Variants in RAB8B observed in about 807,000 individuals in gnomAD.
RAB8B encodes ras-related protein Rab-8B.
RAB8B carries 11 observed loss-of-function variants against 32.0 expected under a neutral mutation model. That is an observed-to-expected ratio of 0.34 (90% CI 0.22 to 0.57). RAB8B has a LOEUF of 0.57. Ranked by LOEUF, RAB8B falls within the 20% of genes least tolerant of loss-of-function variation. The pLI is 0.86. For missense variants in RAB8B, 190 were observed against 258.5 expected, an observed-to-expected ratio of 0.73 and a Z score of 1.82; for synonymous variants, 103 against 89.6, an observed-to-expected ratio of 1.15 and a Z score of -0.85.
At chr15:63,201,207 A>C (rs2037646338) in intron 1 of RAB8B, among the ~76,000 whole-genome samples, 1 of 152,210 alleles carries the variant, frequency 6.6e-6, no homozygotes, top group African/African-American at 2.4e-5. Context: ...GAGTTAATGA[A>C]TACCCAGGCA....
chr15:63,217,982 T>A (rs1309539183), intron 1 of RAB8B, among the ~76,000 whole-genome samples: 2 of 152,244 alleles, frequency 1.3e-5, no homozygotes, highest in Non-Finnish European at 2.9e-5. Flanking sequence ...TAAGCGAAGC[T>A]GCCATTTTCT....
At chr15:63,200,401 A>G (rs1343879309) in intron 1 of RAB8B, among the ~76,000 whole-genome samples, 1 of 152,268 alleles carries the variant, frequency 6.6e-6, no homozygotes, top group African/African-American at 2.4e-5. Flanking sequence ...AAAGCTAAAT[A>G]TCACCAGAAA....
At chr15:63,234,865 A>C (rs540989219) in intron 1 of RAB8B, among the ~76,000 whole-genome samples, 1 of 152,216 alleles carries the variant, frequency 6.6e-6, no homozygotes, top group Non-Finnish European at 1.5e-5. Context: ...TCTTCCTGCC[A>C]GAGTGCCACT....
At chr15:63,218,384 C>T (rs1003187967) in intron 1 of RAB8B, among the ~76,000 whole-genome samples, 5 of 152,154 alleles carry the variant, frequency 3.3e-5, no homozygotes, top group African/African-American at 7.2e-5. Flanking sequence ...TAATGATAGC[C>T]TATCCCATTA....
At chr15:63,206,969 T>A (rs989807971) in intron 1 of RAB8B, among the ~76,000 whole-genome samples, 2 of 152,152 alleles carry the variant, frequency 1.3e-5, no homozygotes, top group Non-Finnish European at 2.9e-5. Flanking sequence ...CTGTTTATTA[T>A]CTGCTCCTTG....
intron 1 of RAB8B, among the ~76,000 whole-genome samples, chr15:63,231,236 TTTAG>T (rs2037933995): frequency 6.6e-6 from 1 of 152,232 alleles, no homozygotes; most frequent in South Asian, 2.1e-4. Flanking sequence ...ATCATTTGTT[TTTAG>T]TTAGTTGTAC....
chr15:63,199,282 GAGTT>G (rs1419858761), intron 1 of RAB8B, among the ~76,000 whole-genome samples: 5 of 152,130 alleles, frequency 3.3e-5, no homozygotes, highest in Non-Finnish European at 5.9e-5. Flanking sequence ...ATTGGATAAA[GAGTT>G]AGAAATGTCT....
At chr15:63,201,269 G>C (rs144432427) in intron 1 of RAB8B, among the ~76,000 whole-genome samples, 296 of 152,324 alleles carry the variant, frequency 1.9e-3, no homozygotes, top group African/African-American at 6.8e-3. Flanking sequence ...TCCGTGTTAT[G>C]AAAGTGTGCA....
chr15:63,204,055 C>T (rs980497104), intron 1 of RAB8B, among the ~76,000 whole-genome samples: 2 of 151,970 alleles, frequency 1.3e-5, no homozygotes, highest in African/African-American at 4.8e-5. Flanking sequence ...CAGGGCCTAT[C>T]ACGCAGTCAG....
In RAB8B at chr15:63,262,722, A is replaced by G; in HGVS notation, c.511A>G (p.Thr171Ala). 3 of 1,456,932 alleles carry G rather than the reference A, an allele frequency of 2.1e-6. No individual in the cohort carries two copies. Among genetic ancestry groups the G allele is most frequent in the South Asian group, 2.9e-5 (2 of 68,644 alleles). 90.3% of individuals were successfully genotyped at this position (1,456,932 alleles called of 1,614,324 possible). The change falls in exon 7 of 8, where the codon ACA becomes GCA. Residue 171 changes from threonine (T) to alanine (A), a missense_variant. By Grantham distance (58) the Thr-to-Ala change is moderately conservative. Around this residue, in one of 2 missense-constraint regions of RAB8B, gnomAD observed 110 missense variants for 115.9 expected, o/e 0.95. Transcript: ENST00000321437. ...TTTTACACTTGCACGAGATATAATG[A>G]CAAAACTCAACAGAAAAATGGTTTG... ...AFFTLARDIMTKLNRKMNDSN... is the reference protein window; with the variant it reads ...AFFTLARDIMAKLNRKMNDSN...
intron 1 of RAB8B, among the ~76,000 whole-genome samples, chr15:63,200,126 T>A (rs940753376): frequency 6.6e-6 from 1 of 152,224 alleles, no homozygotes; most frequent in South Asian, 2.1e-4. Flanking sequence ...CTCTTCTGGC[T>A]GCAGCATTCT....
chr15:63,258,478 T>C lies in RAB8B; in HGVS notation c.415-1149T>C, dbSNP rs188326770. ...AAGGAGTGAATGAATCCCAAGATAATGGTAGTTTTACCAGTGGAGGGTCTT... is the reference window on the plus strand; with the variant it reads ...AAGGAGTGAATGAATCCCAAGATAACGGTAGTTTTACCAGTGGAGGGTCTT... On this transcript the variant is annotated intron_variant, in intron 5 of 7. Transcript: ENST00000321437. Among the ~76,000 whole-genome samples the C allele has an allele frequency of 7.2e-5, 11 of 152,330 alleles. No individual in the cohort carries two copies. In the East Asian group the frequency reaches 1.7e-3, roughly 24 times the overall value.
chr15:63,193,880 C>T, intron 1 of RAB8B, among the ~76,000 whole-genome samples: 1 of 152,104 alleles, frequency 6.6e-6, no homozygotes, highest in East Asian at 1.9e-4. Flanking sequence ...ATAAAGACAA[C>T]TAGGAATGAT....
In RAB8B at chr15:63,248,812, A is replaced by C. The variant is rs12101845; in HGVS notation, c.186-833A>C. 3.3e-3 allele frequency among the ~76,000 whole-genome samples: 507 copies of C among 152,312 alleles called. 3 individuals carry two copies. The highest frequency in any genetic ancestry group is 0.012 in the African/African-American group (489 of 41,560). Reference sequence around the variant, plus strand: ...ACTAGATTTCTAGTATATTTCCACAAATGCCTCTTTCTCTCCTGCAATTAA... The same window carrying C: ...ACTAGATTTCTAGTATATTTCCACACATGCCTCTTTCTCTCCTGCAATTAA... On this transcript the variant is annotated intron_variant, in intron 2 of 7. Transcript: ENST00000321437. The surrounding 1 kb of genome is among the most constrained non-coding windows in gnomAD (Gnocchi z 4.4).
At chr15:63,228,739 T>C (rs1466327544) in intron 1 of RAB8B, among the ~76,000 whole-genome samples, 3 of 152,238 alleles carry the variant, frequency 2.0e-5, no homozygotes, top group Admixed American at 6.5e-5. Context: ...GTGCTTTTTT[T>C]CCCATAGAAA....
At chr15:63,199,819 G>A (rs2037632958) in intron 1 of RAB8B, among the ~76,000 whole-genome samples, 1 of 152,040 alleles carries the variant, frequency 6.6e-6, no homozygotes, top group African/African-American at 2.4e-5. Context: ...GAGCTCAAGT[G>A]ATCTGCCCGC....
intron 1 of RAB8B, among the ~76,000 whole-genome samples, chr15:63,212,046 T>G (rs1317922851): frequency 2.0e-5 from 3 of 152,160 alleles, no homozygotes; most frequent in Non-Finnish European, 4.4e-5. Flanking sequence ...TTGCCTGGGC[T>G]GGTCTTGAAC....
chr15:63,196,432 C>T (rs529678201), intron 1 of RAB8B, among the ~76,000 whole-genome samples: 6 of 152,326 alleles, frequency 3.9e-5, no homozygotes, highest in African/African-American at 1.2e-4. Context: ...GGGCATCTGC[C>T]GTTCTAGCTT....
chr15:63,249,851 T>C (rs1203396099), intron 3 of RAB8B, 146 bp downstream of exon 3: 4 of 892,818 alleles, frequency 4.5e-6, no homozygotes, highest in Admixed American at 5.4e-5. Flanking sequence ...AAAGGTTTTT[T>C]GGGGGCCGGG....
Sources: gnomAD v4.1 joint callset for allele counts (sites outside exome capture counted in the v4.1 genomes callset) on GRCh38, gnomAD v4.1.1 for gene constraint, gnomAD v4.1.1 regional missense constraint, Gnocchi (gnomAD v3.1) non-coding constraint, MANE v1.5 for transcripts, NCBI Gene and HGNC (gene_info 2026-07-23, HGNC 2026-07-21) for gene names.